The following SGCD variants were observed in gnomAD, a reference collection of about 807,000 sequenced individuals.
SGCD encodes the protein sarcoglycan delta, also known as delta-sarcoglycan.
Under a neutral mutation model 36.6 loss-of-function variants are expected in SGCD, and 18 were observed. The observed-to-expected ratio is 0.49, with a 90% CI of 0.34 to 0.73. The LOEUF is 0.73. Among genes scored for constraint, SGCD ranks in the 30% least tolerant of loss-of-function variants. The pLI, the probability that SGCD is intolerant of heterozygous loss-of-function variation, is 0.01. For missense variants in SGCD, 387 were observed against 346.7 expected (o/e 1.12, Z -0.92); for synonymous variants, 133 against 130.6 (o/e 1.02, Z -0.12).
At chr5:155,909,239 C>T (rs930550031) in intron 1 of SGCD, among the ~76,000 whole-genome samples, 1 of 152,092 alleles carries the variant, frequency 6.6e-6, no homozygotes, top group Non-Finnish European at 1.5e-5. Context: ...GCCTTTGAAT[C>T]ATTAAGTGCC....
intron 3 of SGCD, among the ~76,000 whole-genome samples, chr5:156,503,128 T>C (rs2127866079): frequency 6.6e-6 from 1 of 152,338 alleles, no homozygotes; most frequent in Admixed American, 6.5e-5. Flanking sequence ...AAGAGTTACT[T>C]GGCTTGGATT....
chr5:156,583,154 A>T (rs945183876), intron 4 of SGCD, among the ~76,000 whole-genome samples: 1 of 152,222 alleles, frequency 6.6e-6, no homozygotes, highest in African/African-American at 2.4e-5. Flanking sequence ...AGAGGAACTT[A>T]AAAGACATGA....
intron 3 of SGCD, among the ~76,000 whole-genome samples, chr5:156,268,937 T>G (rs1003653352): frequency 5.3e-5 from 8 of 152,164 alleles, no homozygotes; most frequent in Admixed American, 2.6e-4. Context: ...AGCTTTTTTT[T>G]TCGTATGTAT....
chr5:156,647,439 G>GTTTGCT, intron 6 of SGCD, 25 bp from the exon 7 acceptor site: 1 of 1,543,022 alleles, frequency 6.5e-7, no homozygotes, highest in Non-Finnish European at 8.8e-7. Flanking sequence ...TCCAATCTCT[G>GTTTGCT]TTTGCTTTTC....
intron 7 of SGCD, among the ~76,000 whole-genome samples, chr5:156,755,410 G>T (rs901808666): frequency 3.3e-5 from 5 of 152,198 alleles, no homozygotes; most frequent in Non-Finnish European, 5.9e-5. Flanking sequence ...TAAACTGTGT[G>T]CATCAATCAG....
intron 3 of SGCD, among the ~76,000 whole-genome samples, chr5:156,214,204 A>G (rs898347994): frequency 6.6e-6 from 1 of 151,910 alleles, no homozygotes; most frequent in Admixed American, 6.6e-5. Flanking sequence ...TACACAGAAA[A>G]CCCTCAAGAC....
chr5:155,969,628 G>A (rs954565570), intron 1 of SGCD, among the ~76,000 whole-genome samples: 12 of 152,110 alleles, frequency 7.9e-5, no homozygotes, highest in African/African-American at 2.4e-4. Flanking sequence ...TCTGCGCCCT[G>A]TGTGTCTGAC....
intron 1 of SGCD, among the ~76,000 whole-genome samples, chr5:156,100,879 G>A (rs570574353): frequency 2.6e-5 from 4 of 152,246 alleles, no homozygotes; most frequent in Admixed American, 2.6e-4. Context: ...ATGCTGCTGA[G>A]AACCAAATGC....
chr5:156,288,917 G>A (rs1504939), intron 3 of SGCD, among the ~76,000 whole-genome samples: 54,910 of 151,930 alleles, frequency 0.36, 11,364 homozygotes, highest in African/African-American at 0.57. Context: ...AAAATATAAA[G>A]TGCAGGAAAT....
At chr5:156,310,791 GAGAGAGACAATAT>G (rs1443539878) in intron 3 of SGCD, among the ~76,000 whole-genome samples, 3 of 152,338 alleles carry the variant, frequency 2.0e-5, no homozygotes, top group Non-Finnish European at 2.9e-5. Flanking sequence ...AAAAGAGAGA[GAGAGAGACAATAT>G]TCTTGCTTTC....
chr5:156,374,758 T>G (rs1404248429), intron 3 of SGCD, among the ~76,000 whole-genome samples: 1 of 149,652 alleles, frequency 6.7e-6, no homozygotes, highest in Admixed American at 6.7e-5. Flanking sequence ...GCCTCCCAGG[T>G]TCACGCCATT....
rs1030750060 is a variant in SGCD at position 156,503,723 on chromosome 5, A to G, written c.193-4878A>G. On this transcript the variant is annotated intron_variant, in intron 3 of 8. Coordinates refer to ENST00000337851, the MANE Select transcript of SGCD (RefSeq NM_000337.6). Reference sequence around the variant, plus strand: ...CACTTGTAAAAGAAGGAAAATAATAATTATCTCATAAGAACATTGAAGAGA... The same window carrying G: ...CACTTGTAAAAGAAGGAAAATAATAGTTATCTCATAAGAACATTGAAGAGA... Among the ~76,000 whole-genome samples the G allele has an allele frequency of 4.2e-4, 64 of 152,204 alleles. 1 individual carries two copies. Among genetic ancestry groups the G allele is most frequent in the Non-Finnish European group, 8.8e-5 (6 of 68,040 alleles).
intron 1 of SGCD, among the ~76,000 whole-genome samples, chr5:155,927,933 A>G (rs1169470626): frequency 1.3e-5 from 2 of 152,106 alleles, no homozygotes; most frequent in African/African-American, 4.8e-5. Flanking sequence ...TAATTTTTCT[A>G]CTTTGAACTT....
intron 4 of SGCD, among the ~76,000 whole-genome samples, chr5:156,572,032 C>G (rs953493785): frequency 1.3e-5 from 2 of 152,142 alleles, no homozygotes; most frequent in African/African-American, 4.8e-5. Flanking sequence ...GTTCCTTTGA[C>G]TTAGTGTAAT....
At chr5:156,042,005 G>T (rs1054175015) in intron 1 of SGCD, among the ~76,000 whole-genome samples, 6 of 152,146 alleles carry the variant, frequency 3.9e-5, no homozygotes, top group Non-Finnish European at 5.9e-5. Context: ...GTGAGAGCTA[G>T]TGACCAGGCT....
chr5:156,525,247 T>G (rs2113066972), intron 4 of SGCD, among the ~76,000 whole-genome samples: 1 of 152,256 alleles, frequency 6.6e-6, no homozygotes, highest in South Asian at 2.1e-4. Flanking sequence ...ATCTTTCTTC[T>G]TTTTGATAAC....
At chr5:156,571,370 AT>A (rs200317789) in intron 4 of SGCD, among the ~76,000 whole-genome samples, 2 of 151,534 alleles carry the variant, frequency 1.3e-5, no homozygotes, top group Admixed American at 6.6e-5. Context: ...TTTTAAACAT[AT>A]TTTTTTTGGT....
intron 1 of SGCD, among the ~76,000 whole-genome samples, chr5:156,020,073 A>T (rs1759067195): frequency 6.6e-6 from 1 of 152,160 alleles, no homozygotes; most frequent in Non-Finnish European, 1.5e-5. Flanking sequence ...ACTTGCCCAG[A>T]TCGACTGTAA....
At chr5:156,162,109 T>TGGTGGG (rs1363897639) in intron 3 of SGCD, among the ~76,000 whole-genome samples, 1 of 81,870 alleles carries the variant, frequency 1.2e-5, no homozygotes, top group Non-Finnish European at 2.3e-5. Flanking sequence ...AGTCCCAGGG[T>TGGTGGG]GGTGGGGGTG....
Sources: gnomAD v4.1 joint callset for allele counts (sites outside exome capture counted in the v4.1 genomes callset) on GRCh38, gnomAD v4.1.1 for gene constraint, MANE v1.5 for transcripts, NCBI Gene and HGNC (gene_info 2026-07-23, HGNC 2026-07-21) for gene names.